Variants in NAP1L4 observed in about 807,000 individuals in gnomAD.
NAP1L4 encodes nucleosome assembly protein 1-like 4.
Under a neutral mutation model 58.2 loss-of-function variants are expected in NAP1L4, and 15 were observed. The ratio of observed to expected loss-of-function variants is 0.26; its 90% CI spans 0.17 to 0.40. The LOEUF is 0.40. Ranked by LOEUF, NAP1L4 falls within the 10% of genes least tolerant of loss-of-function variation. The probability of loss-of-function intolerance (pLI) is 1.00; values close to 1 mark genes in which losing one functional copy is unlikely to be tolerated. For missense variants in NAP1L4, 384 were observed against 451.1 expected, an observed-to-expected ratio of 0.85 and a Z score of 1.35; for synonymous variants, 171 against 155.6, an observed-to-expected ratio of 1.10 and a Z score of -0.74.
intron 1 of NAP1L4, chr11:2,990,398 T>A (rs1431046533): frequency 6.6e-6 from 1 of 152,238 alleles, no homozygotes; most frequent in Non-Finnish European, 1.5e-5. Flanking sequence ...TACTTTCCCA[T>A]TCTATCACCA....
At chr11:2,987,915 A>C (rs1848740892) in intron 1 of NAP1L4, among the ~76,000 whole-genome samples, 1 of 152,134 alleles carries the variant, frequency 6.6e-6, no homozygotes, top group Admixed American at 6.5e-5. Flanking sequence ...TCTTTGCTTA[A>C]CTCACTGCTA....
At chr11:2,970,359 T>A (rs1436444588) in intron 6 of NAP1L4, among the ~76,000 whole-genome samples, 1 of 151,928 alleles carries the variant, frequency 6.6e-6, no homozygotes, top group African/African-American at 2.4e-5. Context: ...AGTGCAAGGA[T>A]AAAGAAGTTC....
intron 15 of NAP1L4, among the ~76,000 whole-genome samples, chr11:2,947,506 G>C (rs1475491879): frequency 6.6e-6 from 1 of 152,208 alleles, no homozygotes; most frequent in Non-Finnish European, 1.5e-5. Context: ...ACCCCTGCCA[G>C]GCTTTGGTGC....
At chr11:2,966,518 C>T (rs951398938) in intron 7 of NAP1L4, among the ~76,000 whole-genome samples, 1 of 152,162 alleles carries the variant, frequency 6.6e-6, no homozygotes, top group African/African-American at 2.4e-5. Context: ...TGAGTGTGAA[C>T]GTGAGGTATT....
chr11:2,974,176 A>C (rs1216078012), intron 4 of NAP1L4, among the ~76,000 whole-genome samples: 2 of 152,226 alleles, frequency 1.3e-5, no homozygotes, highest in Non-Finnish European at 2.9e-5. Flanking sequence ...ACAAATGCAC[A>C]ACGTGCAGGT....
intron 14 of NAP1L4, among the ~76,000 whole-genome samples, chr11:2,950,684 T>C (rs1802614324): frequency 6.6e-6 from 1 of 152,210 alleles, no homozygotes; most frequent in Non-Finnish European, 1.5e-5. Flanking sequence ...AGACCACAAA[T>C]AAAAATCTAA....
At chr11:2,958,182 A>C (rs938666638) in intron 10 of NAP1L4, 4 of 692,864 alleles carry the variant, frequency 5.8e-6, no homozygotes, top group African/African-American at 5.3e-5. Context: ...TTCCTGCAGA[A>C]GATGACAATC....
At chr11:2,991,373 G>A (rs544108285) in intron 1 of NAP1L4, 5 of 260,960 alleles carry the variant, frequency 1.9e-5, no homozygotes, top group Non-Finnish European at 4.0e-5. Flanking sequence ...AAATACAAAT[G>A]TGACCTCTTC....
chr11:2,965,912 T>C (rs1445091547), intron 7 of NAP1L4, among the ~76,000 whole-genome samples: 1 of 152,214 alleles, frequency 6.6e-6, no homozygotes, highest in Non-Finnish European at 1.5e-5. Flanking sequence ...GTGGGCATCA[T>C]GGAAGAGCGT....
intron 1 of NAP1L4, chr11:2,990,993 C>A: frequency 2.5e-6 from 1 of 406,156 alleles, no homozygotes; most frequent in South Asian, 1.7e-5. Context: ...CCCCGTAAAC[C>A]TAATGCAGGA....
intron 3 of NAP1L4, among the ~76,000 whole-genome samples, chr11:2,976,519 G>C (rs188432146): frequency 6.6e-6 from 1 of 152,278 alleles, no homozygotes; most frequent in Admixed American, 6.5e-5. Context: ...CAAAGTAAAA[G>C]AGCATCCACT....
At chr11:2,961,294 G>A (rs1846889528) in intron 8 of NAP1L4, among the ~76,000 whole-genome samples, 1 of 152,124 alleles carries the variant, frequency 6.6e-6, no homozygotes, top group Admixed American at 6.5e-5. Flanking sequence ...AGTCTAGTCG[G>A]TTTCTAGAAG....
chr11:2,980,130 A>G (rs899395388), intron 1 of NAP1L4, among the ~76,000 whole-genome samples: 6 of 152,192 alleles, frequency 3.9e-5, no homozygotes, highest in Admixed American at 2.0e-4. Context: ...CTGAATATTA[A>G]GGGTGTGTTC....
chr11:2,981,094 C>T (rs1014475270), intron 1 of NAP1L4, among the ~76,000 whole-genome samples: 5 of 151,748 alleles, frequency 3.3e-5, no homozygotes, highest in Non-Finnish European at 7.4e-5. Flanking sequence ...CAAAATTAGC[C>T]AGGCGTGCTG....
At chr11:2,978,603 C>T (rs1175429100) in intron 2 of NAP1L4, among the ~76,000 whole-genome samples, 1 of 152,182 alleles carries the variant, frequency 6.6e-6, no homozygotes, top group Non-Finnish European at 1.5e-5. Flanking sequence ...GCCAAAGCTT[C>T]TTAGCTCTCA....
At chr11:2,983,481 T>A (rs1848445517) in intron 1 of NAP1L4, among the ~76,000 whole-genome samples, 1 of 152,004 alleles carries the variant, frequency 6.6e-6, no homozygotes, top group African/African-American at 2.4e-5. Context: ...CCTCTCAAAG[T>A]GCTGGGATTA....
intron 9 of NAP1L4, 61 bp from the exon 10 acceptor site, chr11:2,958,605 C>T (rs1268679915): frequency 9.7e-6 from 15 of 1,549,818 alleles, no homozygotes; most frequent in African/African-American, 1.4e-5. Flanking sequence ...ATTACAAATG[C>T]ATGCAGGAAG....
At position 2,951,020 on chromosome 11, in the gene NAP1L4, T is replaced by TA; in HGVS notation, c.1122+238_1122+239insT. 1 of 458,482 alleles carries TA rather than the reference T, an allele frequency of 2.2e-6. No individual in the cohort carries two copies. The highest frequency in any genetic ancestry group is 3.8e-6 in the Non-Finnish European group (1 of 260,108). The allele number at this position is 458,482 out of a possible 1,614,324, so 28.4% of individuals were successfully genotyped here. On this transcript the variant is annotated intron_variant, in intron 14 of 15. Transcript: ENST00000380542. The surrounding 1 kb of genome is among the most constrained non-coding windows in gnomAD (Gnocchi z 4.0). ...TCAAGTTGCTCTACTGAGGAGTCTA[T>TA]GTAAATAAGACACAGCTTGAGACAG...
chr11:2,991,681 C>T (rs561185068), intron 1 of NAP1L4: 3 of 152,886 alleles, frequency 2.0e-5, no homozygotes, highest in African/African-American at 7.2e-5. Flanking sequence ...ACCAAACTGA[C>T]ATCAAAACCC....
Sources: allele counts gnomAD v4.1 joint callset (sites outside exome capture counted in the v4.1 genomes callset), GRCh38; gene constraint gnomAD v4.1.1; non-coding constraint Gnocchi (gnomAD v3.1); transcripts MANE v1.5; gene names NCBI Gene and HGNC (gene_info 2026-07-23, HGNC 2026-07-21).